Variants in GRIN3A observed in about 807,000 individuals in gnomAD.
GRIN3A encodes glutamate ionotropic receptor NMDA type subunit 3A, also known as glutamate receptor ionotropic, NMDA 3A.
In GRIN3A, 47 loss-of-function variants were observed where a neutral mutation model predicts 92.4. The observed-to-expected ratio is 0.51, with a 90% CI of 0.40 to 0.65. The LOEUF (loss-of-function observed/expected upper bound fraction) is 0.65. Among genes scored for constraint, GRIN3A ranks in the 30% least tolerant of loss-of-function variants. The pLI, the probability that GRIN3A is intolerant of heterozygous loss-of-function variation, is 0.00. For missense variants in GRIN3A, 1,324 were observed against 1,393.1 expected, an observed-to-expected ratio of 0.95 and a Z score of 0.79; for synonymous variants, 527 against 540.6, an observed-to-expected ratio of 0.97 and a Z score of 0.35.
At chr9:101,602,925 A>G (rs891660696) in intron 6 of GRIN3A, 6 of 152,178 alleles carry the variant, frequency 3.9e-5, no homozygotes, top group African/African-American at 1.4e-4. Context: ...TCGAAATACA[A>G]TTGACTACAT....
At chr9:101,654,275 A>T (rs574585052) in intron 3 of GRIN3A, among the ~76,000 whole-genome samples, 2 of 117,266 alleles carry the variant, frequency 1.7e-5, no homozygotes, top group Non-Finnish European at 3.8e-5. Context: ...TCTGGTACAT[A>T]CACATGCACA....
At chr9:101,651,978 TTTCA>T (rs1477617982) in intron 3 of GRIN3A, among the ~76,000 whole-genome samples, 3 of 152,008 alleles carry the variant, frequency 2.0e-5, no homozygotes, top group African/African-American at 7.2e-5. Flanking sequence ...GATCTGTCTT[TTTCA>T]TTCATTTAGT....
intron 7 of GRIN3A, among the ~76,000 whole-genome samples, chr9:101,578,114 G>C (rs1162739208): frequency 6.6e-6 from 1 of 152,142 alleles, no homozygotes; most frequent in Non-Finnish European, 1.5e-5. Context: ...GATATAAGGA[G>C]GCACAATCAT....
chr9:101,678,181 G>A (rs1478028056), intron 2 of GRIN3A, among the ~76,000 whole-genome samples: 3 of 152,176 alleles, frequency 2.0e-5, no homozygotes, highest in Admixed American at 6.5e-5. Flanking sequence ...TTAAACACAT[G>A]TCTTCTGCTC....
chr9:101,670,485 C>T lies in GRIN3A; in HGVS notation c.1927G>A (p.Asp643Asn), dbSNP rs1288217148. 6.2e-7 allele frequency: 1 copy of T among 1,614,014 alleles called. No homozygotes were observed. Residue 643 changes from aspartate to asparagine, a missense_variant, in exon 3 of 9, where the codon GAT (aspartate) becomes AAT (asparagine). Coordinates refer to ENST00000361820, the MANE Select transcript of GRIN3A (RefSeq NM_133445.3). ...SINTARSQVI[D>N]FTSPFFSTSL... ...GTGGAGAAGAAAGGGCTGGTGAAAT[C>T]TATCACCTGGCTCCGTGCAGTATTG...
chr9:101,661,316 T>C (rs1829168674), intron 3 of GRIN3A, among the ~76,000 whole-genome samples: 1 of 151,846 alleles, frequency 6.6e-6, no homozygotes, highest in Non-Finnish European at 1.5e-5. Context: ...TTGTAAAAAA[T>C]ATGAGGTAGA....
chr9:101,722,335 C>T (rs1830023333), intron 1 of GRIN3A, among the ~76,000 whole-genome samples: 1 of 152,232 alleles, frequency 6.6e-6, no homozygotes, highest in Admixed American at 6.5e-5. Context: ...AAGTTTGTGG[C>T]AGGGTCAGGG....
Position 101,738,147 on chromosome 9 carries a change from CGCGCCTCCG to C in GRIN3A, c.-177_-169del, listed in dbSNP as rs945177159. On this transcript the variant is annotated 5_prime_UTR_variant, in exon 1 of 9. Transcript: ENST00000361820. Reference sequence around the variant, plus strand: ...CTAGGCCATGCAAGTTGGAGCGTAGCGCGCCTCCGGCAGTCTCAGATCCCGCTCCCAGGT... The same window carrying C: ...CTAGGCCATGCAAGTTGGAGCGTAGCGCAGTCTCAGATCCCGCTCCCAGGT... The C allele has an allele frequency of 7.2e-6, 5 of 692,564 alleles. No individual in the cohort carries two copies. The African/African-American group carries it at 8.8e-5, about 12-fold the overall frequency. 42.9% of individuals were successfully genotyped at this position (692,564 alleles called of 1,614,324 possible). A position where few individuals can be genotyped will look rare whatever the true frequency, so the allele number is the denominator to read the frequency against.
At position 101,569,406 on chromosome 9, in the gene GRIN3A, G is replaced by C. The variant is rs1827729810; in HGVS notation, c.*3768C>G. The C allele has an allele frequency of 6.6e-6, 1 of 152,158 alleles. No individual in the cohort carries two copies. The highest frequency in any genetic ancestry group is 1.5e-5 in the Non-Finnish European group (1 of 68,044). The allele number at this position is 152,158 out of a possible 1,614,324, so 9.4% of individuals were successfully genotyped here. On this transcript the variant is annotated 3_prime_UTR_variant, in exon 9 of 9. Transcript: ENST00000361820. ...AGTCATAGAAACTGAAGATGGAAAA[G>C]ACCTGAGGACATCTAATCCATCCAT...
intron 6 of GRIN3A, among the ~76,000 whole-genome samples, chr9:101,604,842 C>G (rs1441818685): frequency 6.6e-6 from 1 of 152,220 alleles, no homozygotes; most frequent in Non-Finnish European, 1.5e-5. Context: ...GTGGGATTCC[C>G]TTTGGCTTTC....
chr9:101,596,264 A>G (rs993578914), intron 6 of GRIN3A, among the ~76,000 whole-genome samples: 1 of 152,222 alleles, frequency 6.6e-6, no homozygotes, highest in African/African-American at 2.4e-5. Context: ...TAAACAAATG[A>G]TAATCCATGG....
rs12344042 is a variant in GRIN3A at position 101,666,537 on chromosome 9, G to A, written c.2352+3523C>T. ...AGAGGATCAGGAAAAACAACTGATG[G>A]GTACTAGTCTTAATACCTGGGCAAG... On this transcript the variant is annotated intron_variant, in intron 3 of 8. Transcript: ENST00000361820. Among the ~76,000 whole-genome samples, 1,131 of 151,860 alleles carry A rather than the reference G, an allele frequency of 7.4e-3. 12 individuals are homozygous for A. Among genetic ancestry groups the A allele is most frequent in the African/African-American group, 0.026 (1,092 of 41,444 alleles).
At chr9:101,650,386 C>T (rs1007565452) in intron 3 of GRIN3A, among the ~76,000 whole-genome samples, 1 of 152,022 alleles carries the variant, frequency 6.6e-6, no homozygotes, top group South Asian at 2.1e-4. Flanking sequence ...ACAGTCTTAG[C>T]AAAGTGCTTG....
intron 6 of GRIN3A, chr9:101,594,274 C>T (rs1396177527): frequency 8.8e-7 from 1 of 1,131,826 alleles, no homozygotes; most frequent in African/African-American, 1.6e-5. Context: ...TGATGAAGCT[C>T]CTGTTAGGAC....
At position 101,661,362 on chromosome 9, in the gene GRIN3A, C is replaced by A. The variant is rs564898653; in HGVS notation, c.2352+8698G>T. Among the ~76,000 whole-genome samples, 4 of 151,846 alleles carry A rather than the reference C, an allele frequency of 2.6e-5. No individual in the cohort carries two copies. The East Asian group carries it at 7.8e-4, about 30-fold the overall frequency. On this transcript the variant is annotated intron_variant, in intron 3 of 8. Coordinates refer to ENST00000361820, the MANE Select transcript of GRIN3A (RefSeq NM_133445.3). ...TAAATATTTCCTTAATTATACTGCC[C>A]AGGTAACAGTGCTGTGATATTTTAT...
At chr9:101,598,771 T>A (rs1828173752) in intron 6 of GRIN3A, among the ~76,000 whole-genome samples, 1 of 152,174 alleles carries the variant, frequency 6.6e-6, no homozygotes, top group Non-Finnish European at 1.5e-5. Context: ...GGTTACAGTA[T>A]GCCACAGGCT....
chr9:101,613,604 A>G lies in GRIN3A; in HGVS notation c.2615-77T>C, dbSNP rs1828399069. 3.5e-6 allele frequency: 5 copies of G among 1,431,518 alleles called. No individual in the cohort carries two copies. In the Admixed American group the frequency reaches 5.5e-5, roughly 16 times the overall value. 88.7% of individuals were successfully genotyped at this position (1,431,518 alleles called of 1,614,324 possible). ...TGCCACCACAGTACATATTTGTGTG[A>G]TACTGCCATCAGACCAAAAAAAGGG... On this transcript the variant is annotated intron_variant, in intron 5 of 8. Coordinates refer to ENST00000361820, the MANE Select transcript of GRIN3A (RefSeq NM_133445.3).
chr9:101,573,300 T>A lies in GRIN3A; in HGVS notation c.3222A>T (p.Ser1074=). 1 of 1,613,934 alleles carries A rather than the reference T, an allele frequency of 6.2e-7. No homozygotes were observed. The highest frequency in any genetic ancestry group is 2.2e-5 in the East Asian group (1 of 44,870). ...KADSLNVSRN[S]VMQELSELEK... ...CGAGCTCTGAGAGTTCCTGCATCAC[T>A]GAGTTCCGAGATACATTTAGGGAGT... The change falls in exon 9 of 9, where the codon TCA becomes TCT. Residue 1074 remains serine, a synonymous_variant. Transcript: ENST00000361820.
At chr9:101,578,870 G>A (rs62575849) in intron 7 of GRIN3A, among the ~76,000 whole-genome samples, 11,340 of 152,194 alleles carry the variant, frequency 0.075, 500 homozygotes, top group Middle Eastern at 0.12. Context: ...ATTTTGGCAA[G>A]AAAAGAACCT....
Sources: gnomAD v4.1 joint callset for allele counts (sites outside exome capture counted in the v4.1 genomes callset) on GRCh38, gnomAD v4.1.1 for gene constraint, MANE v1.5 for transcripts, NCBI Gene and HGNC (gene_info 2026-07-23, HGNC 2026-07-21) for gene names.